The following CLTA variants were observed in gnomAD, a reference collection of about 807,000 sequenced individuals.
CLTA encodes the protein clathrin light chain A.
A neutral mutation model predicts 26.9 loss-of-function variants in CLTA; 9 were observed. That is an observed-to-expected ratio of 0.33 (90% CI 0.20 to 0.58). CLTA has a LOEUF of 0.58. Among genes scored for constraint, CLTA ranks in the 20% least tolerant of loss-of-function variants. The pLI is 0.85. For missense variants in CLTA, 278 were observed against 294.2 expected (o/e 0.94, Z 0.40); for synonymous variants, 120 against 115.5 (o/e 1.04, Z -0.25).
At position 36,190,991 on chromosome 9, in the gene CLTA, C is replaced by T. The variant is rs1342166750; in HGVS notation, c.-66C>T. On this transcript the variant is annotated 5_prime_UTR_variant, in exon 1 of 5. Coordinates refer to ENST00000345519, the MANE Select transcript of CLTA (RefSeq NM_001833.4). ...CGGCACCACAGCGGTGGCTGCCGGG[C>T]GTGGTGTCGGTGGGTCGGTTGGTTT... is the stretch of plus-strand genomic sequence containing the variant. The T allele has an allele frequency of 2.0e-6, 3 of 1,465,936 alleles. No individual in the cohort carries two copies. The highest frequency in any genetic ancestry group is 1.8e-6 in the Non-Finnish European group (2 of 1,119,052). 90.8% of individuals were successfully genotyped at this position (1,465,936 alleles called of 1,614,324 possible).
At chr9:36,197,305 T>C (rs1351682072) in intron 1 of CLTA, among the ~76,000 whole-genome samples, 1 of 152,128 alleles carries the variant, frequency 6.6e-6, no homozygotes, top group African/African-American at 2.4e-5. Flanking sequence ...CACTGTAAAA[T>C]AGAAAACAGA....
At chr9:36,196,860 A>G (rs1827077896) in intron 1 of CLTA, among the ~76,000 whole-genome samples, 1 of 152,190 alleles carries the variant, frequency 6.6e-6, no homozygotes, top group South Asian at 2.1e-4. Flanking sequence ...ATAGGAGTAA[A>G]AGTCAACTAG....
intron 2 of CLTA, 86 bp from the exon 3 acceptor site, chr9:36,198,893 C>G: frequency 2.6e-6 from 1 of 390,244 alleles, no homozygotes; most frequent in South Asian, 3.7e-5. Context: ...AAAAAAAAAA[C>G]AGAACCAGGG....
In CLTA at chr9:36,191,094, C is replaced by A. The variant is rs769438385; in HGVS notation, c.38C>A (p.Ala13Asp). The A allele has an allele frequency of 4.4e-6, 7 of 1,591,924 alleles. No homozygotes were observed. The highest frequency in any genetic ancestry group is 6.0e-6 in the Non-Finnish European group (7 of 1,174,310). Residue 13 changes from alanine to aspartate, a missense_variant, in exon 1 of 5, where the codon GCC becomes GAC. By Grantham distance (126) the Ala-to-Asp change is moderately radical (BLOSUM62 -2). Transcript: ENST00000345519. ...GATCCGTTCGGCGCCCCTGCCGGCGCCCCTGGCGGTCCCGCGCTGGGGAAC... is the reference window on the plus strand; with the variant it reads ...GATCCGTTCGGCGCCCCTGCCGGCGACCCTGGCGGTCCCGCGCTGGGGAAC... The part of the protein sequence containing the change: ...ELDPFGAPAG[A>D]PGGPALGNGV...
At chr9:36,206,880 G>GC (rs1827756002) in intron 4 of CLTA, among the ~76,000 whole-genome samples, 1 of 151,996 alleles carries the variant, frequency 6.6e-6, no homozygotes, top group Non-Finnish European at 1.5e-5. Flanking sequence ...GGGCAACAGA[G>GC]CGAGACTCAG....
At chr9:36,209,334 CTA>C in intron 4 of CLTA, 5 of 1,568,592 alleles carry the variant, frequency 3.2e-6, no homozygotes, top group Non-Finnish European at 4.4e-6. Flanking sequence ...TGTTGCAAAA[CTA>C]ATTCCTTTTT....
At chr9:36,202,884 C>T (rs1347482183) in intron 3 of CLTA, among the ~76,000 whole-genome samples, 3 of 150,318 alleles carry the variant, frequency 2.0e-5, no homozygotes, top group Admixed American at 6.7e-5. Context: ...TGCAGTGGTG[C>T]GATCTCAGCT....
At chr9:36,210,365 G>C (rs1827972401) in intron 4 of CLTA, among the ~76,000 whole-genome samples, 1 of 152,120 alleles carries the variant, frequency 6.6e-6, no homozygotes, top group Admixed American at 6.5e-5. Context: ...TTTGCAGTGA[G>C]ACTTGTGAAA....
intron 4 of CLTA, chr9:36,210,521 G>T: frequency 1.9e-6 from 3 of 1,578,522 alleles, no homozygotes; most frequent in Non-Finnish European, 2.6e-6. Context: ...AGATAGAGTG[G>T]CAAGGGCATG....
At chr9:36,192,523 G>T (rs1481113362) in intron 1 of CLTA, among the ~76,000 whole-genome samples, 1 of 152,142 alleles carries the variant, frequency 6.6e-6, no homozygotes, top group Non-Finnish European at 1.5e-5. Context: ...TAATATGCCC[G>T]AATATGCAAC....
intron 4 of CLTA, chr9:36,209,267 G>A (rs1166212160): frequency 1.9e-6 from 3 of 1,614,072 alleles, no homozygotes; most frequent in East Asian, 4.5e-5. Context: ...TGCTGTCTAG[G>A]GTGGCAGATG....
At chr9:36,195,473 G>A (rs1826967232) in intron 1 of CLTA, among the ~76,000 whole-genome samples, 1 of 151,622 alleles carries the variant, frequency 6.6e-6, no homozygotes, top group Non-Finnish European at 1.5e-5. Flanking sequence ...TTACCTCACT[G>A]GAAATAAGAT....
chr9:36,199,037 C>CAG lies in CLTA; in HGVS notation c.317_318dup (p.Pro107SerfsTer35). The CAG allele has an allele frequency of 6.2e-7, 1 of 1,614,054 alleles. No homozygotes were observed. Among genetic ancestry groups the CAG allele is most frequent in the Non-Finnish European group, 8.5e-7 (1 of 1,179,934 alleles). On this transcript the variant is annotated frameshift_variant, in exon 3 of 5. Transcript: ENST00000345519. LOFTEE classifies it high-confidence loss of function. ...ATTTCACAAGTGGATCGATTGCAGT[C>CAG]AGAGCCTGAAAGTATCCGTAAATGG...
intron 3 of CLTA, among the ~76,000 whole-genome samples, chr9:36,203,827 G>C (rs1427354081): frequency 1.3e-5 from 2 of 152,198 alleles, no homozygotes; most frequent in Non-Finnish European, 2.9e-5. Context: ...CAGTGGACTG[G>C]GATAAGACCA....
chr9:36,202,988 C>T (rs978650645), intron 3 of CLTA, among the ~76,000 whole-genome samples: 1 of 151,990 alleles, frequency 6.6e-6, no homozygotes, highest in Non-Finnish European at 1.5e-5. Flanking sequence ...TGCACCACCA[C>T]ATCCAGCTAA....
chr9:36,201,618 C>A (rs917697332), intron 3 of CLTA, among the ~76,000 whole-genome samples: 2 of 152,156 alleles, frequency 1.3e-5, no homozygotes, highest in African/African-American at 2.4e-5. Flanking sequence ...ATGTTAACAT[C>A]AAAATACATT....
chr9:36,209,131 G>A, intron 4 of CLTA: 4 of 1,043,788 alleles, frequency 3.8e-6, no homozygotes, highest in Non-Finnish European at 2.8e-6. Context: ...GCCTCACGGG[G>A]GTTAGGAAGG....
chr9:36,204,995 G>T (rs1008061148), intron 4 of CLTA, among the ~76,000 whole-genome samples: 2 of 152,182 alleles, frequency 1.3e-5, no homozygotes, highest in Admixed American at 6.5e-5. Context: ...TCAGGGTAGA[G>T]CCTTGGGTTC....
At chr9:36,206,744 A>G (rs1056961206) in intron 4 of CLTA, among the ~76,000 whole-genome samples, 6 of 152,042 alleles carry the variant, frequency 3.9e-5, no homozygotes, top group South Asian at 2.1e-4. Flanking sequence ...AAAATGCGAA[A>G]ATTAACTGGG....
Sources: allele counts gnomAD v4.1 joint callset (sites outside exome capture counted in the v4.1 genomes callset), GRCh38; gene constraint gnomAD v4.1.1; transcripts MANE v1.5; gene names NCBI Gene and HGNC (gene_info 2026-07-23, HGNC 2026-07-21).